Variants in PLXNB1 observed in about 807,000 individuals in gnomAD.
The protein encoded by PLXNB1 is plexin-B1.
PLXNB1 carries 106 observed loss-of-function variants against 209.4 expected under a neutral mutation model. The ratio of observed to expected loss-of-function variants is 0.51; its 90% confidence interval spans 0.43 to 0.59. The LOEUF is 0.59. PLXNB1 is among the 20% of genes least tolerant of loss of function. The pLI, the probability that PLXNB1 is intolerant of heterozygous loss-of-function variation, is 0.00. For missense variants in PLXNB1, 2,357 were observed against 2,853.2 expected (o/e 0.83, Z 3.96); for synonymous variants, 1,167 against 1,183.2 (o/e 0.99, Z 0.28).
chr3:48,414,911 G>A lies in PLXNB1; in HGVS notation c.4097C>T (p.Thr1366Ile). The change falls in exon 21 of 38, where the codon ACA becomes ATA. Residue 1366 changes from threonine to isoleucine, a missense_variant. Transcript: ENST00000296440. Reference sequence around the variant, plus strand: ...ATAGGAGAAAGGTGTGGGGTTCAGTGTTGCAAAGTCAAAGACCAGGTTGTC... The same window carrying A: ...ATAGGAGAAAGGTGTGGGGTTCAGTATTGCAAAGTCAAAGACCAGGTTGTC... ...ILDNLVFDFA[T>I]LNPTPFSYEA... The A allele has an allele frequency of 6.2e-7, 1 of 1,614,036 alleles. No homozygotes were observed. Among genetic ancestry groups the A allele is most frequent in the South Asian group, 1.1e-5 (1 of 91,080 alleles).
Position 48,404,398 on chromosome 3 carries a change from C to G in PLXNB1, c.*88G>C, listed in dbSNP as rs956730983. On this transcript the variant is annotated 3_prime_UTR_variant, in exon 38 of 38. Transcript: ENST00000296440. ...CACTAACTCTGCTTGTCAGTCACTA[C>G]AGGCACCTAAGAAGGTGGCCTCTCC... is the stretch of plus-strand genomic sequence containing the variant. 1.2e-5 allele frequency: 9 copies of G among 774,714 alleles called. No individual in the cohort carries two copies. In the African/African-American group the frequency reaches 1.4e-4, roughly 12 times the overall value. 48.0% of individuals were successfully genotyped at this position (774,714 alleles called of 1,614,324 possible).
At position 48,424,567 on chromosome 3, in the gene PLXNB1, C is replaced by A. The variant is rs993386558; in HGVS notation, c.45G>T (p.Gly15=). The A allele has an allele frequency of 1.3e-6, 2 of 1,552,706 alleles. No individual in the cohort carries two copies. Among genetic ancestry groups the A allele is most frequent in the Admixed American group, 1.9e-5 (1 of 52,230 alleles). Residue 15 remains glycine, a synonymous_variant, in exon 3 of 38, where the codon GGG becomes GGT. Transcript: ENST00000296440. ...GPALLQALWA[G]WVLTLQPLPP... ...GAAGGGGCTGGAGGGTGAGGACCCACCCGGCCCAGAGAGCCTGGAGAAGAG... is the reference window on the plus strand; with the variant it reads ...GAAGGGGCTGGAGGGTGAGGACCCAACCGGCCCAGAGAGCCTGGAGAAGAG...
chr3:48,421,410 G>C, intron 7 of PLXNB1, 26 bp from the exon 8 acceptor site: 2 of 1,517,098 alleles, frequency 1.3e-6, no homozygotes, highest in Non-Finnish European at 1.8e-6. Flanking sequence ...GGGACACACT[G>C]TTGGGGCTAG....
In PLXNB1 at chr3:48,417,793, G is replaced by T; in HGVS notation, c.3374+118C>A. On this transcript the variant is annotated intron_variant, in intron 16 of 37. Coordinates refer to ENST00000296440, the MANE Select transcript of PLXNB1 (RefSeq NM_001130082.3). This position sits in a 1 kb window ranked among gnomAD's most constrained non-coding sequence, Gnocchi z 4.4. ...GCTGGCACTCGGGCATTGTGGCCAG[G>T]ATCAAGGAACAGGGAGAGAGGGGGG... The T allele has an allele frequency of 8.7e-7, 1 of 1,153,712 alleles. No homozygotes were observed. Among genetic ancestry groups the T allele is most frequent in the Non-Finnish European group, 1.2e-6 (1 of 809,060 alleles). The allele number at this position is 1,153,712 out of a possible 1,614,324, so 71.5% of individuals were successfully genotyped here. A position where few individuals can be genotyped will look rare whatever the true frequency, so the allele number is the denominator to read the frequency against.
At position 48,416,958 on chromosome 3, in the gene PLXNB1, T is replaced by G. The variant is rs935058532; in HGVS notation, c.3375-507A>C. 1 of 152,322 alleles carries G rather than the reference T, an allele frequency of 6.6e-6. No homozygotes were observed. Among genetic ancestry groups the G allele is most frequent in the Non-Finnish European group, 1.5e-5 (1 of 68,154 alleles). The allele number at this position is 152,322 out of a possible 1,614,324, so 9.4% of individuals were successfully genotyped here. On this transcript the variant is annotated intron_variant, in intron 16 of 37. Transcript: ENST00000296440. This position sits in a 1 kb window ranked among gnomAD's most constrained non-coding sequence, Gnocchi z 4.1. ...GGTTCTTAGCCAGAAAATAGAAGCT[T>G]GGGCAAATTAAACTTCCAGAGTGTT...
At chr3:48,423,156 T>C (rs1207569490) in intron 3 of PLXNB1, among the ~76,000 whole-genome samples, 1 of 151,992 alleles carries the variant, frequency 6.6e-6, no homozygotes, top group Admixed American at 6.6e-5. Context: ...AGCTCATCAA[T>C]CCCGACCTCA....
chr3:48,404,296 G>A lies in PLXNB1; in HGVS notation c.*190C>T. ...GAGCAGGCTGGGTACTACCCCATGA[G>A]CCTTGAGGCCCCGGGTCTAGGAGGT... is the stretch of plus-strand genomic sequence containing the variant. On this transcript the variant is annotated 3_prime_UTR_variant, in exon 38 of 38. Coordinates refer to ENST00000296440, the MANE Select transcript of PLXNB1 (RefSeq NM_001130082.3). The A allele has an allele frequency of 1.7e-6, 1 of 581,640 alleles. No homozygotes were observed. The highest frequency in any genetic ancestry group is 3.1e-6 in the Non-Finnish European group (1 of 327,214). 36.0% of individuals were successfully genotyped at this position (581,640 alleles called of 1,614,324 possible).
rs749395891 is a variant in PLXNB1, at chr3:48,422,212, C to A, written c.1420-7G>T. The A allele has an allele frequency of 9.3e-6, 15 of 1,613,624 alleles. No homozygotes were observed. The African/African-American group carries it at 9.3e-5, about 10-fold the overall frequency. ...CCACAGGAACCTTCAGAAGCTGAGACAGCAAAGAGGACCTGAGGCCAGCAA... is the reference window on the plus strand; with the variant it reads ...CCACAGGAACCTTCAGAAGCTGAGAAAGCAAAGAGGACCTGAGGCCAGCAA... On this transcript the variant is annotated splice_region_variant and splice_polypyrimidine_tract_variant and intron_variant, in intron 5 of 37. Transcript: ENST00000296440.
rs780615385 is a variant in PLXNB1 at position 48,412,437 on chromosome 3, C to A, written c.5033+5G>T. On this transcript the variant is annotated splice_donor_5th_base_variant and intron_variant, in intron 26 of 37. Coordinates refer to ENST00000296440, the MANE Select transcript of PLXNB1 (RefSeq NM_001130082.3). Reference sequence around the variant, plus strand: ...GGCCCACCCAGCCCCAACAGCCACACAGACCTGCGCAGCATCAGCTTGGGG... The same window carrying A: ...GGCCCACCCAGCCCCAACAGCCACAAAGACCTGCGCAGCATCAGCTTGGGG... 3.6e-5 allele frequency: 58 copies of A among 1,613,136 alleles called. No individual in the cohort carries two copies. The highest frequency in any genetic ancestry group is 4.8e-5 in the Non-Finnish European group (57 of 1,179,802).
At position 48,410,575 on chromosome 3, in the gene PLXNB1, G is replaced by A; in HGVS notation, c.5417-17C>T. On this transcript the variant is annotated splice_polypyrimidine_tract_variant and intron_variant, in intron 29 of 37. Transcript: ENST00000296440. The surrounding 1 kb of genome is among the most constrained non-coding windows in gnomAD (Gnocchi z 6.4). Reference sequence around the variant, plus strand: ...ACCGCCACTCTGCAAGGGCAAGGCAGAACTGGGTGCAGGGCTGGAAGATAC... The same window carrying A: ...ACCGCCACTCTGCAAGGGCAAGGCAAAACTGGGTGCAGGGCTGGAAGATAC... The A allele has an allele frequency of 6.2e-7, 1 of 1,600,592 alleles. No homozygotes were observed. The highest frequency in any genetic ancestry group is 1.1e-5 in the South Asian group (1 of 90,828).
At chr3:48,407,314 A>T (rs2037373770) in intron 34 of PLXNB1, among the ~76,000 whole-genome samples, 2 of 152,134 alleles carry the variant, frequency 1.3e-5, no homozygotes, top group Admixed American at 6.5e-5. Context: ...ACCAATGTCC[A>T]GTCTCTGATG....
intron 26 of PLXNB1, 65 bp downstream of exon 26, chr3:48,412,377 C>A: frequency 4.3e-6 from 7 of 1,611,004 alleles, no homozygotes; most frequent in East Asian, 2.2e-5. Context: ...GCAGACCCCC[C>A]AGCCCGAGGC....
chr3:48,419,139 A>C lies in PLXNB1; in HGVS notation c.2833-100T>G. The stretch of plus-strand genomic sequence containing the variant: ...TCCCCCAGCACAGCTTCTGGGTTGG[A>C]GTTGAGCCCTCGGACTCTGCCCTCC... On this transcript the variant is annotated intron_variant, in intron 12 of 37. Coordinates refer to ENST00000296440, the MANE Select transcript of PLXNB1 (RefSeq NM_001130082.3). The surrounding 1 kb of genome is among the most constrained non-coding windows in gnomAD (Gnocchi z 5.7). 3 of 1,570,672 alleles carry C rather than the reference A, an allele frequency of 1.9e-6. No homozygotes were observed. Among genetic ancestry groups the C allele is most frequent in the Non-Finnish European group, 2.6e-6 (3 of 1,152,778 alleles).
intron 21 of PLXNB1, 69 bp downstream of exon 21, chr3:48,414,728 CCA>C (rs1575391101): frequency 8.3e-6 from 13 of 1,557,206 alleles, no homozygotes; most frequent in Non-Finnish European, 1.0e-5. Context: ...GGCCTCTCCG[CCA>C]CACACAGCAG....
At position 48,419,242 on chromosome 3, in the gene PLXNB1, A is replaced by C; in HGVS notation, c.2832+2T>G. The C allele has an allele frequency of 6.4e-7, 1 of 1,566,168 alleles. No homozygotes were observed. Among genetic ancestry groups the C allele is most frequent in the Non-Finnish European group, 8.7e-7 (1 of 1,153,372 alleles). On this transcript the variant is annotated splice_donor_variant, in intron 12 of 37. Coordinates refer to ENST00000296440, the MANE Select transcript of PLXNB1 (RefSeq NM_001130082.3). LOFTEE classifies it high-confidence loss of function. The surrounding 1 kb of genome is among the most constrained non-coding windows in gnomAD (Gnocchi z 5.7). Reference sequence around the variant, plus strand: ...GGACAGCGGCAGGCAGGACACACTGACCTGGAAAAGGTGCAGGTTCCTGCC... The same window carrying C: ...GGACAGCGGCAGGCAGGACACACTGCCCTGGAAAAGGTGCAGGTTCCTGCC...
rs769017703 is a variant in PLXNB1, at chr3:48,404,538, T to C, written c.6356A>G (p.Tyr2119Cys). ...DGTAQKMQLG[Y>C]RLQQIAAAVE... The stretch of plus-strand genomic sequence containing the variant: ...AGCAGCTGCAATCTGCTGGAGCCGA[T>C]AGCCCAGCTGCATCTTCTGGGCCGT... The change falls in exon 38 of 38, where the codon TAT (tyrosine) becomes TGT (cysteine). Residue 2119 changes from tyrosine (Y) to cysteine (C), a missense_variant. Physicochemically the swap from Tyr to Cys is radical, Grantham distance 194. Coordinates refer to ENST00000296440, the MANE Select transcript of PLXNB1 (RefSeq NM_001130082.3). 1.1e-5 allele frequency: 18 copies of C among 1,613,888 alleles called. No individual in the cohort carries two copies. In the Admixed American group the frequency reaches 1.3e-4, roughly 12 times the overall value.
In PLXNB1 at chr3:48,409,213, G is replaced by A. The variant is rs545381326; in HGVS notation, c.6087+116C>T. ...CCGGGATGAAGCCTTGGCTTGGGAG[G>A]TCAGAGGTCTCCCCTAAGCCCTCCT... On this transcript the variant is annotated intron_variant, in intron 34 of 37. Coordinates refer to ENST00000296440, the MANE Select transcript of PLXNB1 (RefSeq NM_001130082.3). This position sits in a 1 kb window ranked among gnomAD's most constrained non-coding sequence, Gnocchi z 5.8. The A allele has an allele frequency of 2.0e-5, 25 of 1,237,908 alleles. No individual in the cohort carries two copies. The African/African-American group carries it at 3.5e-4, about 17-fold the overall frequency. The allele number at this position is 1,237,908 out of a possible 1,614,324, so 76.7% of individuals were successfully genotyped here.
rs1439769636 is a variant in PLXNB1 at position 48,419,493 on chromosome 3, C to G, written c.2709+84G>C. On this transcript the variant is annotated intron_variant, in intron 11 of 37. Transcript: ENST00000296440. The surrounding 1 kb of genome is among the most constrained non-coding windows in gnomAD (Gnocchi z 5.7). ...CTCCACCCTGCCCCTCACCTCCTCC[C>G]AGTGCAGAATCACAAGGCAAGCTAG... The G allele has an allele frequency of 6.6e-7, 1 of 1,508,572 alleles. No individual in the cohort carries two copies. Among genetic ancestry groups the G allele is most frequent in the Non-Finnish European group, 9.0e-7 (1 of 1,116,342 alleles). 93.4% of individuals were successfully genotyped at this position (1,508,572 alleles called of 1,614,324 possible).
At position 48,419,395 on chromosome 3, in the gene PLXNB1, T is replaced by C. The variant is rs2038333305; in HGVS notation, c.2710-29A>G. ...CAGGCACCAAGGGCAAGGCAGTCTA[T>C]GGAGCCCACCCTGCCCAGCTCAGCC... is the stretch of plus-strand genomic sequence containing the variant. On this transcript the variant is annotated intron_variant, in intron 11 of 37. Transcript: ENST00000296440. This position sits in a 1 kb window ranked among gnomAD's most constrained non-coding sequence, Gnocchi z 5.7. The C allele has an allele frequency of 6.5e-7, 1 of 1,537,316 alleles. No individual in the cohort carries two copies. The highest frequency in any genetic ancestry group is 1.3e-5 in the South Asian group (1 of 79,738).
Sources: gnomAD v4.1 joint callset for allele counts (sites outside exome capture counted in the v4.1 genomes callset) on GRCh38, gnomAD v4.1.1 for gene constraint, Gnocchi (gnomAD v3.1) non-coding constraint, MANE v1.5 for transcripts, NCBI Gene and HGNC (gene_info 2026-07-23, HGNC 2026-07-21) for gene names.